The following AKT3 variants were observed in gnomAD, a reference collection of about 807,000 sequenced individuals.
AKT3 encodes AKT serine/threonine kinase 3, also known as RAC-gamma serine/threonine-protein kinase.
In AKT3, 15 loss-of-function variants were observed where a neutral mutation model predicts 65.3. The ratio of observed to expected loss-of-function variants is 0.23; its 90% CI spans 0.15 to 0.35. The LOEUF is 0.35. Ranked by LOEUF, AKT3 falls within the 10% of genes least tolerant of loss-of-function variation. The pLI, the probability that AKT3 is intolerant of heterozygous loss-of-function variation, is 1.00. For synonymous variants in AKT3, 206 were observed against 183.8 expected (o/e 1.12, Z -0.98); for missense variants, 243 against 576.5 (o/e 0.42, Z 5.92).
At chr1:243,781,605 A>G (rs1279769387) in intron 2 of AKT3, among the ~76,000 whole-genome samples, 1 of 152,166 alleles carries the variant, frequency 6.6e-6, no homozygotes, top group African/African-American at 2.4e-5. Flanking sequence ...TCAAATCTTT[A>G]TGGATTCCTA....
chr1:243,647,693 T>C (rs1274792257), intron 4 of AKT3, among the ~76,000 whole-genome samples: 3 of 152,252 alleles, frequency 2.0e-5, no homozygotes, highest in East Asian at 3.8e-4. Flanking sequence ...CCATGTGGTA[T>C]GCAAACAAGA....
intron 12 of AKT3, among the ~76,000 whole-genome samples, chr1:243,533,810 G>A (rs1240504509): frequency 6.6e-6 from 1 of 151,920 alleles, no homozygotes; most frequent in Non-Finnish European, 1.5e-5. Flanking sequence ...CTAATATGGT[G>A]AAACCCCATC....
chr1:243,841,104 T>C (rs1695213550), intron 2 of AKT3, among the ~76,000 whole-genome samples: 1 of 152,114 alleles, frequency 6.6e-6, no homozygotes, highest in Non-Finnish European at 1.5e-5. Flanking sequence ...ATACACATTA[T>C]TAGAAACACA....
In AKT3 at chr1:243,502,793, A is replaced by T. The variant is rs550525204; in HGVS notation, c.*2456T>A. 4.3e-6 allele frequency: 1 copy of T among 233,320 alleles called. No individual in the cohort carries two copies. The highest frequency in any genetic ancestry group is 1.8e-4 in the South Asian group (1 of 5,524). 14.5% of individuals were successfully genotyped at this position (233,320 alleles called of 1,614,324 possible). ...TGGCTGGGAACTGAGAGCCAGTGTG[A>T]GGAGTGGCCCGCCTGGGGCAATGTC... On this transcript the variant is annotated 3_prime_UTR_variant, in exon 14 of 14. Coordinates refer to ENST00000673466, the MANE Select transcript of AKT3 (RefSeq NM_005465.7).
At chr1:243,843,950 G>A (rs1034395940) in intron 1 of AKT3, among the ~76,000 whole-genome samples, 2 of 152,000 alleles carry the variant, frequency 1.3e-5, no homozygotes, top group Admixed American at 6.6e-5. Context: ...ACAACCAGTC[G>A]TGAATACTTT....
chr1:243,625,124 G>GTTTTTTTTTTTTTTTTTTTTTTTTTTTT (rs67561828), intron 6 of AKT3: 1 of 75,240 alleles, frequency 1.3e-5, no homozygotes, highest in Non-Finnish European at 2.4e-5. Context: ...TGCAGTTTGT[G>GTTTTTTTTTTTTTTTTTTTTTTTTTTTT]TTTTTTTTTT....
intron 2 of AKT3, among the ~76,000 whole-genome samples, chr1:243,795,138 CTT>C (rs879274798): frequency 1.5e-4 from 21 of 141,072 alleles, no homozygotes; most frequent in East Asian, 2.1e-4. Context: ...TCTATGTCTA[CTT>C]TTTTTTTTTT....
At chr1:243,685,544 G>C (rs1160111089) in intron 3 of AKT3, among the ~76,000 whole-genome samples, 1 of 152,168 alleles carries the variant, frequency 6.6e-6, no homozygotes, top group Non-Finnish European at 1.5e-5. Context: ...CTACATGTCT[G>C]TTTTGGTACC....
chr1:243,556,921 C>A (rs1195461878), intron 10 of AKT3, among the ~76,000 whole-genome samples: 2 of 152,110 alleles, frequency 1.3e-5, no homozygotes, highest in Non-Finnish European at 1.5e-5. Context: ...GTATTTTCTT[C>A]ATAAATATAT....
intron 6 of AKT3, among the ~76,000 whole-genome samples, chr1:243,622,382 C>T (rs755480913): frequency 1.4e-4 from 22 of 152,280 alleles, no homozygotes; most frequent in Admixed American, 2.6e-4. Context: ...CCTTATTTCC[C>T]TACTCCACTT....
intron 3 of AKT3, among the ~76,000 whole-genome samples, chr1:243,694,585 CTTTGG>C (rs1684937337): frequency 6.6e-6 from 1 of 151,196 alleles, no homozygotes; most frequent in African/African-American, 2.4e-5. Flanking sequence ...TCTTTTAACC[CTTTGG>C]TTTATTGTTT....
chr1:243,601,941 C>A (rs1407894408), intron 8 of AKT3, among the ~76,000 whole-genome samples: 1 of 152,144 alleles, frequency 6.6e-6, no homozygotes, highest in African/African-American at 2.4e-5. Flanking sequence ...CCTTGAAATA[C>A]CCACTCTGTG....
chr1:243,493,556 G>C (rs1667085790), intron 13 of AKT3, among the ~76,000 whole-genome samples: 1 of 152,006 alleles, frequency 6.6e-6, no homozygotes, highest in Non-Finnish European at 1.5e-5. Context: ...AGGCTGCTTG[G>C]TTCTGTCTGC....
intron 3 of AKT3, among the ~76,000 whole-genome samples, chr1:243,683,011 A>G (rs1445110527): frequency 6.6e-6 from 1 of 152,168 alleles, no homozygotes; most frequent in Non-Finnish European, 1.5e-5. Context: ...TTGCTACTAG[A>G]CTATAAATTC....
At chr1:243,777,030 A>G (rs1436579692) in intron 2 of AKT3, among the ~76,000 whole-genome samples, 2 of 152,332 alleles carry the variant, frequency 1.3e-5, no homozygotes, top group Non-Finnish European at 2.9e-5. Flanking sequence ...AAGTAAAACA[A>G]GGGTTTCCAG....
intron 4 of AKT3, among the ~76,000 whole-genome samples, chr1:243,646,835 G>GA (rs1227724401): frequency 1.3e-5 from 2 of 151,708 alleles, no homozygotes; most frequent in East Asian, 1.9e-4. Flanking sequence ...AAATTTCTTA[G>GA]AAAAAATTAA....
chr1:243,527,893 AC>A (rs1671231493), intron 12 of AKT3, among the ~76,000 whole-genome samples: 1 of 103,010 alleles, frequency 9.7e-6, no homozygotes, highest in Admixed American at 1.0e-4. Context: ...ACACACACAC[AC>A]ACACACACAC....
downstream of AKT3, among the ~76,000 whole-genome samples, chr1:243,497,712 G>A (rs1340611557): frequency 6.6e-6 from 1 of 152,172 alleles, no homozygotes; most frequent in East Asian, 1.9e-4. Context: ...CGCCTATTCT[G>A]TATTGTGTGT....
At position 243,699,465 on chromosome 1, in the gene AKT3, C is replaced by CTA. The variant is rs58911364; in HGVS notation, c.47-3751_47-3750dup. Among the ~76,000 whole-genome samples the CTA allele has an allele frequency of 2.8e-3, 291 of 103,434 alleles. 3 individuals are homozygous for CTA. Among genetic ancestry groups the CTA allele is most frequent in the South Asian group, 6.9e-3 (19 of 2,764 alleles). 67.9% of individuals were successfully genotyped at this position (103,434 alleles called of 152,430 possible). On this transcript the variant is annotated intron_variant, in intron 2 of 13. Transcript: ENST00000673466. ...AAGACTTCCAACCCAACCTCTTCCACTATATATATATATATATATATATAT... is the reference window on the plus strand; with the variant it reads ...AAGACTTCCAACCCAACCTCTTCCACTATATATATATATATATATATATATAT...
Sources: allele counts gnomAD v4.1 joint callset (sites outside exome capture counted in the v4.1 genomes callset), GRCh38; gene constraint gnomAD v4.1.1; transcripts MANE v1.5; gene names NCBI Gene and HGNC (gene_info 2026-07-23, HGNC 2026-07-21).